Variants in NT5C2 observed in about 807,000 individuals in gnomAD.
NT5C2 encodes the protein cytosolic purine 5'-nucleotidase.
In NT5C2, 58 loss-of-function variants were observed where a neutral mutation model predicts 76.1. The observed-to-expected ratio is 0.76, with a 90% CI of 0.62 to 0.95. NT5C2 has a LOEUF of 0.95. NT5C2 is among the 40% of genes least tolerant of loss of function. The probability of loss-of-function intolerance (pLI) is 0.00; values close to 1 mark genes in which losing one functional copy is unlikely to be tolerated. For synonymous variants in NT5C2, 229 were observed against 237.4 expected (o/e 0.96, Z 0.32); for missense variants, 478 against 690.3 (o/e 0.69, Z 3.45).
intron 4 of NT5C2, among the ~76,000 whole-genome samples, chr10:103,126,955 A>G (rs942922419): frequency 6.6e-6 from 1 of 152,124 alleles, no homozygotes; most frequent in Non-Finnish European, 1.5e-5. Context: ...GGAACTACAC[A>G]TACCATCATG....
chr10:103,157,940 G>A (rs2083794870), intron 3 of NT5C2, among the ~76,000 whole-genome samples: 1 of 152,094 alleles, frequency 6.6e-6, no homozygotes, highest in Non-Finnish European at 1.5e-5. Flanking sequence ...GGGCATGGTG[G>A]CACGCACCTG....
chr10:103,091,458 G>GCCT, intron 16 of NT5C2, 106 bp downstream of exon 16: 1 of 850,856 alleles, frequency 1.2e-6, no homozygotes, highest in Middle Eastern at 3.6e-4. Context: ...CGATTCTCCT[G>GCCT]CCTCAGCCTC....
At chr10:103,095,592 A>G (rs1045559916) in intron 12 of NT5C2, among the ~76,000 whole-genome samples, 5 of 152,330 alleles carry the variant, frequency 3.3e-5, no homozygotes, top group Admixed American at 2.6e-4. Flanking sequence ...TGTTAATCAA[A>G]TATCATCCAC....
chr10:103,103,913 G>A (rs757620698), intron 6 of NT5C2, among the ~76,000 whole-genome samples: 1 of 151,938 alleles, frequency 6.6e-6, no homozygotes, highest in Non-Finnish European at 1.5e-5. Context: ...TACTACAGTG[G>A]CACCAACACA....
chr10:103,138,158 C>A (rs2079648855), intron 4 of NT5C2, among the ~76,000 whole-genome samples: 1 of 152,174 alleles, frequency 6.6e-6, no homozygotes, highest in Non-Finnish European at 1.5e-5. Context: ...GTTTCAATGA[C>A]TTCTTGCCCA....
intron 16 of NT5C2, 88 bp downstream of exon 16, chr10:103,091,476 G>T: frequency 9.7e-7 from 1 of 1,029,842 alleles, no homozygotes. Context: ...CTCCCAAATA[G>T]CTGGGATTAC....
At chr10:103,132,009 G>A (rs1027988225) in intron 4 of NT5C2, among the ~76,000 whole-genome samples, 4 of 152,146 alleles carry the variant, frequency 2.6e-5, no homozygotes, top group African/African-American at 9.7e-5. Context: ...GGGAGGCTGA[G>A]GCGGGTGGAT....
At chr10:103,158,723 C>T (rs2084013798) in intron 3 of NT5C2, among the ~76,000 whole-genome samples, 1 of 151,198 alleles carries the variant, frequency 6.6e-6, no homozygotes, top group South Asian at 2.1e-4. Flanking sequence ...GAAGCAGAGG[C>T]AGGAGAATCG....
In NT5C2 at chr10:103,159,753, T is replaced by TA. The variant is rs964815628; in HGVS notation, c.101+15104dup. ...GACTACAAAATACTGTTGAAAGAATTAAAGAAAATCTAAATAAATGGAAAG... is the reference window on the plus strand; with the variant it reads ...GACTACAAAATACTGTTGAAAGAATTAAAAGAAAATCTAAATAAATGGAAAG... On this transcript the variant is annotated intron_variant, in intron 3 of 18. Transcript: ENST00000404739. 4.9e-4 allele frequency among the ~76,000 whole-genome samples: 74 copies of TA among 151,762 alleles called. 1 individual carries two copies. Among genetic ancestry groups the TA allele is most frequent in the African/African-American group, 1.8e-3 (74 of 41,422 alleles).
chr10:103,102,993 C>G (rs983072860), intron 6 of NT5C2, among the ~76,000 whole-genome samples: 7 of 151,568 alleles, frequency 4.6e-5, no homozygotes, highest in Admixed American at 4.6e-4. Flanking sequence ...GAAGAAAATT[C>G]AAGGTTTAAA....
intron 15 of NT5C2, among the ~76,000 whole-genome samples, chr10:103,092,208 G>T (rs1371813084): frequency 6.6e-6 from 1 of 152,184 alleles, no homozygotes; most frequent in African/African-American, 2.4e-5. Context: ...TCTACTGTAT[G>T]TAACACATTT....
At position 103,094,447 on chromosome 10, in the gene NT5C2, G is replaced by T; in HGVS notation, c.822C>A (p.Ser274Arg). 6.2e-7 allele frequency: 1 copy of T among 1,606,620 alleles called. No individual in the cohort carries two copies. The highest frequency in any genetic ancestry group is 8.5e-7 in the Non-Finnish European group (1 of 1,173,442). Residue 274 changes from serine (S) to arginine (R), a missense_variant, in exon 13 of 19, where the codon AGC becomes AGA. By Grantham distance (110) the Ser-to-Arg change is moderately radical (BLOSUM62 -1). Coordinates refer to ENST00000404739, the MANE Select transcript of NT5C2 (RefSeq NM_001351169.2). ...FDFPHGPKPGSSHRPWQSYFD... is the reference protein window; with the variant it reads ...FDFPHGPKPGRSHRPWQSYFD... ...AGTAGGACTGCCATGGTCGATGGGA[G>T]CTCCCAGGCTGGTGAAGGAGAAACA...
Position 103,157,372 on chromosome 10 carries a change from T to C in NT5C2, c.101+17486A>G, listed in dbSNP as rs1401860574. Among the ~76,000 whole-genome samples, 5 of 152,098 alleles carry C rather than the reference T, an allele frequency of 3.3e-5. No individual in the cohort carries two copies. The South Asian group carries it at 8.3e-4, about 25-fold the overall frequency. On this transcript the variant is annotated intron_variant, in intron 3 of 18. Transcript: ENST00000404739. ...TTAGGTTTGTTTGTTATGGTATGAG[T>C]TAATCAACTGAAGCAATTTTAGATT...
intron 3 of NT5C2, among the ~76,000 whole-genome samples, chr10:103,159,887 T>C (rs1324997884): frequency 6.6e-6 from 1 of 152,154 alleles, no homozygotes; most frequent in Non-Finnish European, 1.5e-5. Context: ...CCAGCTGGCT[T>C]TTTTATATAA....
At chr10:103,160,584 A>G (rs10883839) in intron 3 of NT5C2, among the ~76,000 whole-genome samples, 47,870 of 152,060 alleles carry the variant, frequency 0.31, 7,621 homozygotes, top group Middle Eastern at 0.36. Context: ...ATAATAGGCA[A>G]AACACCTAAA....
intron 4 of NT5C2, among the ~76,000 whole-genome samples, chr10:103,107,426 G>A (rs566501306): frequency 6.6e-6 from 1 of 152,290 alleles, no homozygotes; most frequent in South Asian, 2.1e-4. Flanking sequence ...TGTAGTTCCA[G>A]CACTTTGAGA....
At chr10:103,166,451 G>T (rs1210877047) in intron 3 of NT5C2, among the ~76,000 whole-genome samples, 1 of 152,148 alleles carries the variant, frequency 6.6e-6, no homozygotes, top group Non-Finnish European at 1.5e-5. Flanking sequence ...CAAAGCTGTT[G>T]CACGTATCAA....
At chr10:103,111,974 A>G (rs1299207221) in intron 4 of NT5C2, among the ~76,000 whole-genome samples, 2 of 152,248 alleles carry the variant, frequency 1.3e-5, no homozygotes, top group East Asian at 3.8e-4. Context: ...AAATTAGCCT[A>G]ATTGGCCATA....
chr10:103,113,743 G>A (rs1052006692), intron 4 of NT5C2, among the ~76,000 whole-genome samples: 6 of 152,174 alleles, frequency 3.9e-5, no homozygotes, highest in Non-Finnish European at 8.8e-5. Flanking sequence ...AAATGACTAA[G>A]AAAGTATAGA....
Sources: gnomAD v4.1 joint callset for allele counts (sites outside exome capture counted in the v4.1 genomes callset) on GRCh38, gnomAD v4.1.1 for gene constraint, MANE v1.5 for transcripts, NCBI Gene and HGNC (gene_info 2026-07-23, HGNC 2026-07-21) for gene names.